ATP10A: variants seen among roughly 807,000 people sequenced by gnomAD.
The protein encoded by ATP10A is phospholipid-transporting ATPase VA.
Under a neutral mutation model 147.8 loss-of-function variants are expected in ATP10A, and 111 were observed. The observed-to-expected ratio is 0.75, with a 90% CI of 0.64 to 0.88. The LOEUF is 0.88. ATP10A is among the 40% of genes least tolerant of loss of function. The pLI, the probability that ATP10A is intolerant of heterozygous loss-of-function variation, is 0.00. For synonymous variants in ATP10A, 875 were observed against 841.6 expected (o/e 1.04, Z -0.69); for missense variants, 1,927 against 1,959.0 (o/e 0.98, Z 0.31).
intron 1 of ATP10A, among the ~76,000 whole-genome samples, chr15:25,784,699 C>T (rs533828911): frequency 2.0e-5 from 3 of 152,122 alleles, no homozygotes; most frequent in African/African-American, 7.2e-5. Flanking sequence ...CCAAGACGGG[C>T]GGATCACAAG....
Position 25,812,395 on chromosome 15 carries a change from C to T in ATP10A, c.450-31172G>A, listed in dbSNP as rs78442841. ...AGAGTGTTATGTTCTATGGTTGCTA[C>T]ACAATCACTTTGAGGAAACATTACT... On this transcript the variant is annotated intron_variant, in intron 1 of 20. Coordinates refer to ENST00000555815, the MANE Select transcript of ATP10A (RefSeq NM_024490.4). Among the ~76,000 whole-genome samples the T allele has an allele frequency of 2.1e-3, 326 of 152,264 alleles. 10 individuals are homozygous for T. The East Asian group carries it at 0.057, about 27-fold the overall frequency.
chr15:25,697,695 C>T (rs1900418140), intron 13 of ATP10A, among the ~76,000 whole-genome samples: 1 of 152,208 alleles, frequency 6.6e-6, no homozygotes, highest in African/African-American at 2.4e-5. Context: ...ATACTCTGCC[C>T]TCAAGGAGAA....
At chr15:25,699,670 A>G (rs1364221921) in intron 13 of ATP10A, among the ~76,000 whole-genome samples, 1 of 152,120 alleles carries the variant, frequency 6.6e-6, no homozygotes, top group African/African-American at 2.4e-5. Flanking sequence ...GGATTTTGAC[A>G]CCAGCCTGGG....
chr15:25,779,439 G>C (rs1327113558), intron 2 of ATP10A, among the ~76,000 whole-genome samples: 1 of 152,170 alleles, frequency 6.6e-6, no homozygotes, highest in Non-Finnish European at 1.5e-5. Context: ...CCCGGGAACT[G>C]AGAGGGGATG....
chr15:25,743,075 G>C (rs1363265810), intron 2 of ATP10A, among the ~76,000 whole-genome samples: 1 of 152,212 alleles, frequency 6.6e-6, no homozygotes, highest in Non-Finnish European at 1.5e-5. Context: ...CAGCGTAAGA[G>C]GGGTCTGGAG....
rs766501935 is a variant in ATP10A at position 25,691,749 on chromosome 15, A to G, written c.3131T>C (p.Val1044Ala). Residue 1044 changes from valine to alanine, a missense_variant, in exon 15 of 21, where the codon GTG becomes GCG. Transcript: ENST00000555815. ...NDVSMIQVAD[V>A]GVGISGQEGM... ...CTCCTGGCCGGAGATTCCCACACCC[A>G]CATCTGCCACCTGGATCATGCTGAC... 1.4e-5 allele frequency: 22 copies of G among 1,614,074 alleles called. No homozygotes were observed. The highest frequency in any genetic ancestry group is 1.7e-5 in the Admixed American group (1 of 60,000).
intron 2 of ATP10A, among the ~76,000 whole-genome samples, chr15:25,757,806 C>T (rs921843518): frequency 1.1e-4 from 17 of 152,062 alleles, no homozygotes; most frequent in African/African-American, 3.9e-4. Flanking sequence ...CGTAAAGCAA[C>T]CTTTTTTGAT....
intron 1 of ATP10A, among the ~76,000 whole-genome samples, chr15:25,799,208 G>C (rs1206859588): frequency 6.6e-6 from 1 of 152,122 alleles, no homozygotes; most frequent in African/African-American, 2.4e-5. Context: ...ATGGTGTCTG[G>C]TTTGACTGGC....
intron 1 of ATP10A, among the ~76,000 whole-genome samples, chr15:25,786,081 G>A (rs1890144839): frequency 6.6e-6 from 1 of 152,260 alleles, no homozygotes; most frequent in African/African-American, 2.4e-5. Flanking sequence ...AGTGTGGGGA[G>A]AAGGAGAGCT....
At chr15:25,811,849 G>T (rs1269298083) in intron 1 of ATP10A, among the ~76,000 whole-genome samples, 1 of 152,166 alleles carries the variant, frequency 6.6e-6, no homozygotes, top group Admixed American at 6.5e-5. Flanking sequence ...GTCCAAGCTG[G>T]CTGCACCTGC....
chr15:25,858,521 G>A (rs896926304), intron 1 of ATP10A, among the ~76,000 whole-genome samples: 3 of 152,162 alleles, frequency 2.0e-5, no homozygotes, highest in Admixed American at 2.0e-4. Flanking sequence ...TGAGTGAGAA[G>A]CTCACCTTCT....
At chr15:25,743,014 G>A (rs548956839) in intron 2 of ATP10A, among the ~76,000 whole-genome samples, 4 of 152,254 alleles carry the variant, frequency 2.6e-5, no homozygotes. Context: ...TCATGCTTTA[G>A]CGCTCACTCA....
At chr15:25,790,551 G>C (rs1243988997) in intron 1 of ATP10A, among the ~76,000 whole-genome samples, 1 of 152,188 alleles carries the variant, frequency 6.6e-6, no homozygotes, top group Non-Finnish European at 1.5e-5. Context: ...TCAGCCCAGA[G>C]AAAGTGACAC....
chr15:25,831,074 A>G (rs1178720210), intron 1 of ATP10A, among the ~76,000 whole-genome samples: 1 of 152,018 alleles, frequency 6.6e-6, no homozygotes, highest in East Asian at 1.9e-4. Flanking sequence ...AGTCCCAGCC[A>G]CTCACCCCAC....
At chr15:25,751,492 A>C (rs1408897322) in intron 2 of ATP10A, among the ~76,000 whole-genome samples, 1 of 152,188 alleles carries the variant, frequency 6.6e-6, no homozygotes, top group Admixed American at 6.5e-5. Flanking sequence ...TAGAGCATTT[A>C]GCAAGATAGA....
chr15:25,821,931 C>T (rs1891909514), intron 1 of ATP10A, among the ~76,000 whole-genome samples: 2 of 152,106 alleles, frequency 1.3e-5, no homozygotes, highest in South Asian at 4.1e-4. Flanking sequence ...TATGAAAATT[C>T]AGTCAACCCT....
At chr15:25,723,828 T>C (rs889301887) in intron 6 of ATP10A, 63 bp downstream of exon 6, 7 of 1,408,584 alleles carry the variant, frequency 5.0e-6, no homozygotes, top group Admixed American at 2.4e-5. Flanking sequence ...GAACAGAGTA[T>C]GATGATTTTA....
intron 10 of ATP10A, among the ~76,000 whole-genome samples, chr15:25,712,952 G>T (rs1901533666): frequency 6.6e-6 from 1 of 152,200 alleles, no homozygotes; most frequent in South Asian, 2.1e-4. Flanking sequence ...GGGAGGTAAA[G>T]TACTCCCTAG....
intron 4 of ATP10A, among the ~76,000 whole-genome samples, 193 bp downstream of exon 4, chr15:25,726,967 G>A (rs1467274456): frequency 6.6e-6 from 1 of 150,764 alleles, no homozygotes; most frequent in Non-Finnish European, 1.5e-5. Context: ...TGAGGCAGGA[G>A]AATGGCGTGA....
Sources: gnomAD v4.1 joint callset for allele counts (sites outside exome capture counted in the v4.1 genomes callset) on GRCh38, gnomAD v4.1.1 for gene constraint, MANE v1.5 for transcripts, NCBI Gene and HGNC (gene_info 2026-07-23, HGNC 2026-07-21) for gene names.